PDE1A: variants seen among roughly 807,000 people sequenced by gnomAD.
PDE1A encodes phosphodiesterase 1A.
PDE1A carries 35 observed loss-of-function variants against 61.7 expected under a neutral mutation model. The ratio of observed to expected loss-of-function variants is 0.57; its 90% CI spans 0.43 to 0.75. PDE1A has a LOEUF of 0.75. Ranked by LOEUF, PDE1A falls within the 30% of genes least tolerant of loss-of-function variation. PDE1A has a pLI of 0.00. For synonymous variants in PDE1A, 232 were observed against 213.2 expected, an observed-to-expected ratio of 1.09 and a Z score of -0.77; for missense variants, 597 against 630.6, an observed-to-expected ratio of 0.95 and a Z score of 0.57.
At chr2:182,572,642 G>A in the PDE1A span, among the ~76,000 whole-genome samples, 2 of 152,110 alleles carry the variant, frequency 1.3e-5, no homozygotes, top group African/African-American at 2.4e-5. Flanking sequence ...CAGCTGAGGC[G>A]GGCGGATCAC....
intron 1 of PDE1A, among the ~76,000 whole-genome samples, chr2:182,403,975 A>T (rs1403438259): frequency 2.0e-5 from 3 of 152,198 alleles, no homozygotes; most frequent in Non-Finnish European, 4.4e-5. Context: ...CAGAACTTAA[A>T]GTATAATAAA....
intron 2 of PDE1A, among the ~76,000 whole-genome samples, chr2:182,240,892 T>TG (rs1690449564): frequency 6.6e-6 from 1 of 151,330 alleles, no homozygotes; most frequent in Non-Finnish European, 1.5e-5. Flanking sequence ...ATTTTAAAAG[T>TG]GAAAAAAAAA....
intron 1 of PDE1A, among the ~76,000 whole-genome samples, chr2:182,417,068 ACT>A (rs2125556722): frequency 6.6e-6 from 1 of 152,244 alleles, no homozygotes; most frequent in African/African-American, 2.4e-5. Flanking sequence ...ATGGCCCTGG[ACT>A]CTCTAGCCCA....
At chr2:182,270,484 T>C (rs1041696018) in intron 1 of PDE1A, among the ~76,000 whole-genome samples, 8 of 152,066 alleles carry the variant, frequency 5.3e-5, no homozygotes, top group Admixed American at 2.6e-4. Flanking sequence ...TGTGTGTCTA[T>C]GCATGTCTTT....
chr2:182,278,801 AG>A (rs1269879129), intron 1 of PDE1A, among the ~76,000 whole-genome samples: 6 of 152,032 alleles, frequency 3.9e-5, no homozygotes, highest in African/African-American at 1.4e-4. Flanking sequence ...TTGGAGGGGA[AG>A]AAAAATCTGG....
intron 2 of PDE1A, among the ~76,000 whole-genome samples, chr2:182,257,671 T>A (rs1691917917): frequency 6.6e-6 from 1 of 152,222 alleles, no homozygotes; most frequent in Non-Finnish European, 1.5e-5. Context: ...GGGTTGATCC[T>A]TAGAGATGAA....
the PDE1A span, among the ~76,000 whole-genome samples, chr2:182,606,304 G>A: frequency 2.0e-3 from 311 of 152,224 alleles, 1 homozygote; most frequent in African/African-American, 7.2e-3. Flanking sequence ...TCAACCTCCT[G>A]AGTAGCCAGG....
Position 182,188,964 on chromosome 2 carries a change from A to T in PDE1A, c.1207+15T>A. ...CACACACTCACTTTCCACCACCACA[A>T]ATCATCAGAATTACCTATTTGTGAC... On this transcript the variant is annotated intron_variant, in intron 11 of 13. Transcript: ENST00000351439. 1 of 1,579,596 alleles carries T rather than the reference A, an allele frequency of 6.3e-7. No individual in the cohort carries two copies. The highest frequency in any genetic ancestry group is 8.7e-7 in the Non-Finnish European group (1 of 1,149,666).
chr2:182,186,947 C>G (rs775015575), intron 11 of PDE1A, among the ~76,000 whole-genome samples: 2 of 152,118 alleles, frequency 1.3e-5, no homozygotes, highest in Non-Finnish European at 2.9e-5. Flanking sequence ...GGATCATTAT[C>G]TTTTTTGAAA....
intron 1 of PDE1A, among the ~76,000 whole-genome samples, chr2:182,380,016 T>TCCA (rs780600215): frequency 3.9e-4 from 59 of 152,176 alleles, no homozygotes; most frequent in Non-Finnish European, 7.1e-4. Flanking sequence ...CTTACTATGG[T>TCCA]CCTTTACTCT....
upstream of PDE1A, among the ~76,000 whole-genome samples, chr2:182,429,328 T>C (rs1312014842): frequency 1.3e-5 from 2 of 152,154 alleles, no homozygotes; most frequent in African/African-American, 4.8e-5. Context: ...ATTTCATGAT[T>C]ATTAATTAAA....
chr2:182,595,198 G>C, the PDE1A span, among the ~76,000 whole-genome samples: 5 of 152,132 alleles, frequency 3.3e-5, no homozygotes. Context: ...TGAAGCTTCT[G>C]CAATTGAGGA....
At chr2:182,688,073 G>A in the PDE1A span, among the ~76,000 whole-genome samples, 1 of 152,206 alleles carries the variant, frequency 6.6e-6, no homozygotes, top group South Asian at 2.1e-4. Flanking sequence ...GAAAGTGACA[G>A]GGAGAATGGA....
intron 1 of PDE1A, among the ~76,000 whole-genome samples, chr2:182,383,523 C>T (rs533408278): frequency 1.8e-4 from 27 of 151,340 alleles, no homozygotes; most frequent in African/African-American, 4.6e-4. Context: ...TAATACAAGG[C>T]GAAGGAAAAG....
chr2:182,651,839 G>A, the PDE1A span, among the ~76,000 whole-genome samples: 1 of 152,140 alleles, frequency 6.6e-6, no homozygotes, highest in African/African-American at 2.4e-5. Context: ...TCATCACAAG[G>A]CTGTGATGGC....
chr2:182,464,669 G>T (rs549595011), intron 2 of PDE1A, among the ~76,000 whole-genome samples: 1 of 152,212 alleles, frequency 6.6e-6, no homozygotes, highest in South Asian at 2.1e-4. Flanking sequence ...TAAAGAATCA[G>T]GCTCAATTCT....
downstream of PDE1A, among the ~76,000 whole-genome samples, chr2:182,145,491 G>C (rs999655383): frequency 6.6e-6 from 1 of 152,204 alleles, no homozygotes; most frequent in African/African-American, 2.4e-5. Flanking sequence ...ACTTTGGGAG[G>C]CCGAGGCAGA....
chr2:182,674,657 C>G, the PDE1A span, among the ~76,000 whole-genome samples: 1 of 151,920 alleles, frequency 6.6e-6, no homozygotes, highest in Non-Finnish European at 1.5e-5. Context: ...AGAATTGCCA[C>G]CTCTGATCAT....
intron 2 of PDE1A, among the ~76,000 whole-genome samples, chr2:182,261,585 A>G (rs1692222019): frequency 6.6e-6 from 1 of 152,164 alleles, no homozygotes; most frequent in South Asian, 2.1e-4. Flanking sequence ...ATGAATTTCT[A>G]CCACGAAGCA....
Sources: allele counts gnomAD v4.1 joint callset (sites outside exome capture counted in the v4.1 genomes callset), GRCh38; gene constraint gnomAD v4.1.1; transcripts MANE v1.5; gene names NCBI Gene and HGNC (gene_info 2026-07-23, HGNC 2026-07-21).